EPB41L3: variants seen among roughly 807,000 people sequenced by gnomAD.
The protein encoded by EPB41L3 is band 4.1-like protein 3.
Under a neutral mutation model 127.1 loss-of-function variants are expected in EPB41L3, and 57 were observed. That is an observed-to-expected ratio of 0.45 (90% CI 0.36 to 0.56). The LOEUF (loss-of-function observed/expected upper bound fraction) is 0.56. EPB41L3 is among the 20% of genes least tolerant of loss of function. EPB41L3 has a pLI of 0.00. For synonymous variants in EPB41L3, 572 were observed against 549.5 expected (o/e 1.04, Z -0.57); for missense variants, 1,273 against 1,372.2 (o/e 0.93, Z 1.14).
intron 1 of EPB41L3, among the ~76,000 whole-genome samples, chr18:5,532,840 C>T (rs1388470690): frequency 1.3e-5 from 2 of 151,816 alleles, no homozygotes; most frequent in Admixed American, 6.6e-5. Context: ...CTAATATGAC[C>T]GAATAAAATG....
chr18:5,406,946 T>C lies in EPB41L3; in HGVS notation c.2180A>G (p.Asp727Gly). The C allele has an allele frequency of 6.2e-7, 1 of 1,614,222 alleles. No homozygotes were observed. The highest frequency in any genetic ancestry group is 1.1e-5 in the South Asian group (1 of 91,082). Residue 727 changes from aspartate (D) to glycine (G), a missense_variant, in exon 16 of 23, where the codon GAC becomes GGC. Asp to Gly is a moderately conservative substitution (Grantham distance 94). Around this residue, in one of 3 missense-constraint regions of EPB41L3, gnomAD observed 765 missense variants for 782.9 expected, o/e 0.98. Coordinates refer to ENST00000341928, the MANE Select transcript of EPB41L3 (RefSeq NM_012307.5). Reference protein sequence around the residue: ...KAQELEKTQDDLMKHQTNISE... With the variant: ...KAQELEKTQDGLMKHQTNISE... ...AATGTTGGTTTGATGTTTCATCAGG[T>C]CATCTTGAGTTTTTTCTAGCTCCTA...
intron 9 of EPB41L3, among the ~76,000 whole-genome samples, chr18:5,425,451 T>C (rs910561358): frequency 6.6e-6 from 1 of 152,106 alleles, no homozygotes; most frequent in Non-Finnish European, 1.5e-5. Flanking sequence ...TCATCATCCA[T>C]TTATTCATCC....
upstream of EPB41L3, chr18:5,630,287 G>C (rs1179413999): frequency 8.1e-6 from 4 of 495,980 alleles, no homozygotes; most frequent in Admixed American, 8.4e-5. Context: ...CTCGAGCCAA[G>C]GGCAGGCGGC....
intron 3 of EPB41L3, among the ~76,000 whole-genome samples, chr18:5,552,816 G>T (rs1260216824): frequency 6.6e-6 from 1 of 152,128 alleles, no homozygotes; most frequent in African/African-American, 2.4e-5. Context: ...TTTCAATAAG[G>T]TGCCCGACGT....
At chr18:5,568,595 C>T (rs1022340670) in intron 3 of EPB41L3, among the ~76,000 whole-genome samples, 4 of 152,132 alleles carry the variant, frequency 2.6e-5, no homozygotes, top group East Asian at 1.9e-4. Context: ...AAATGCAACA[C>T]GTCTGTGGGT....
At chr18:5,571,626 C>T (rs1176165506) in intron 3 of EPB41L3, among the ~76,000 whole-genome samples, 9 of 152,330 alleles carry the variant, frequency 5.9e-5, no homozygotes, top group African/African-American at 2.2e-4. Context: ...TCATATCCCA[C>T]ATTGGTTTAA....
intron 3 of EPB41L3, among the ~76,000 whole-genome samples, chr18:5,474,134 G>A (rs1175090296): frequency 6.6e-6 from 1 of 152,014 alleles, no homozygotes; most frequent in African/African-American, 2.4e-5. Context: ...AGGAGGCTGA[G>A]GCAGGAGAAT....
At chr18:5,562,223 AG>A (rs1437263982) in intron 3 of EPB41L3, among the ~76,000 whole-genome samples, 3 of 152,240 alleles carry the variant, frequency 2.0e-5, no homozygotes, top group African/African-American at 7.2e-5. Flanking sequence ...CATTAGGGAT[AG>A]CTGAATGTGG....
intron 1 of EPB41L3, among the ~76,000 whole-genome samples, chr18:5,534,545 A>G (rs1000033492): frequency 2.0e-5 from 3 of 152,202 alleles, no homozygotes; most frequent in African/African-American, 7.2e-5. Flanking sequence ...CATTCTTTGC[A>G]AACCTCTACT....
intron 1 of EPB41L3, among the ~76,000 whole-genome samples, chr18:5,620,585 A>T (rs2094849132): frequency 6.6e-6 from 1 of 152,214 alleles, no homozygotes; most frequent in African/African-American, 2.4e-5. Context: ...CTCATCCTTT[A>T]TAATAATGTA....
intron 3 of EPB41L3, among the ~76,000 whole-genome samples, chr18:5,599,448 T>C (rs550013935): frequency 1.3e-5 from 2 of 152,266 alleles, no homozygotes; most frequent in East Asian, 1.9e-4. Context: ...GTCCCTGATA[T>C]GGTTTAGATC....
At chr18:5,611,802 C>T (rs959462860) in intron 3 of EPB41L3, among the ~76,000 whole-genome samples, 2 of 151,906 alleles carry the variant, frequency 1.3e-5, no homozygotes, top group Non-Finnish European at 2.9e-5. Flanking sequence ...TGGTGGTGTG[C>T]ACCTGTAGTA....
chr18:5,534,532 T>C (rs1006057379), intron 1 of EPB41L3, among the ~76,000 whole-genome samples: 6 of 152,222 alleles, frequency 3.9e-5, no homozygotes, highest in Non-Finnish European at 8.8e-5. Context: ...AACCACTGTG[T>C]CTCATTCTTT....
Position 5,498,233 on chromosome 18 carries a change from AAT to A in EPB41L3, c.-11-9041_-11-9040del, listed in dbSNP as rs776878797. Among the ~76,000 whole-genome samples, 9 of 152,340 alleles carry A rather than the reference AAT, an allele frequency of 5.9e-5. No homozygotes were observed. The East Asian group carries it at 9.6e-4, about 16-fold the overall frequency. The stretch of plus-strand genomic sequence containing the variant: ...AAAAATTTTTCCAGGAGTTAACACA[AAT>A]ATTCCAATTGAGCTTCCTGATAGCT... On this transcript the variant is annotated intron_variant, in intron 1 of 22. Coordinates refer to ENST00000341928, the MANE Select transcript of EPB41L3 (RefSeq NM_012307.5).
chr18:5,620,136 A>T (rs2094843624), intron 1 of EPB41L3, among the ~76,000 whole-genome samples: 1 of 152,146 alleles, frequency 6.6e-6, no homozygotes, highest in Non-Finnish European at 1.5e-5. Context: ...CAAGTTTAAA[A>T]AAAAAAGGTT....
At chr18:5,486,274 A>G (rs1362999320) in intron 2 of EPB41L3, among the ~76,000 whole-genome samples, 1 of 151,964 alleles carries the variant, frequency 6.6e-6, no homozygotes, top group Non-Finnish European at 1.5e-5. Flanking sequence ...GGAAAACTGG[A>G]TAACTGTATG....
chr18:5,480,851 T>C (rs888971451), intron 2 of EPB41L3: 1 of 152,214 alleles, frequency 6.6e-6, no homozygotes, highest in Non-Finnish European at 1.5e-5. Flanking sequence ...TAGATATTCA[T>C]ACTTTTCTAT....
chr18:5,497,543 C>T (rs2091290737), intron 1 of EPB41L3, among the ~76,000 whole-genome samples: 1 of 152,146 alleles, frequency 6.6e-6, no homozygotes, highest in African/African-American at 2.4e-5. Flanking sequence ...ACAGGGATCC[C>T]TAGTGGCAAA....
In EPB41L3 at chr18:5,424,169, A is replaced by G. The variant is rs2077846698; in HGVS notation, c.1163+93T>C. 2.5e-5 allele frequency: 22 copies of G among 869,934 alleles called. No homozygotes were observed. The East Asian group carries it at 6.3e-4, about 25-fold the overall frequency. 53.9% of individuals were successfully genotyped at this position (869,934 alleles called of 1,614,324 possible). On this transcript the variant is annotated intron_variant, in intron 10 of 22. Transcript: ENST00000341928. The stretch of plus-strand genomic sequence containing the variant: ...TGACAATGAACTTGAAGGGATAGAA[A>G]GAATAAAATTCCATATTTTTTATTG...
Sources: gnomAD v4.1 joint callset for allele counts (sites outside exome capture counted in the v4.1 genomes callset) on GRCh38, gnomAD v4.1.1 for gene constraint, gnomAD v4.1.1 regional missense constraint, MANE v1.5 for transcripts, NCBI Gene and HGNC (gene_info 2026-07-23, HGNC 2026-07-21) for gene names.